CADM2: variants seen among roughly 807,000 people sequenced by gnomAD.
CADM2 encodes the protein cell adhesion molecule 2.
In CADM2, 12 loss-of-function variants were observed where a neutral mutation model predicts 49.8. That is an observed-to-expected ratio of 0.24 (90% CI 0.15 to 0.39). The LOEUF is 0.39. Among genes scored for constraint, CADM2 ranks in the 10% least tolerant of loss-of-function variants. The pLI, the probability that CADM2 is intolerant of heterozygous loss-of-function variation, is 1.00. For missense variants in CADM2, 378 were observed against 492.3 expected (o/e 0.77, Z 2.20); for synonymous variants, 214 against 175.4 (o/e 1.22, Z -1.74).
intron 1 of CADM2, among the ~76,000 whole-genome samples, chr3:85,120,798 A>C (rs2038836646): frequency 6.6e-6 from 1 of 152,020 alleles, no homozygotes; most frequent in Non-Finnish European, 1.5e-5. Context: ...GCACGTTCTT[A>C]CCCCAGAACT....
chr3:84,977,771 T>C (rs2031919190), intron 1 of CADM2, among the ~76,000 whole-genome samples: 1 of 152,096 alleles, frequency 6.6e-6, no homozygotes, highest in Admixed American at 6.6e-5. Flanking sequence ...GGTTTCATCG[T>C]TGATTTGTTT....
intron 2 of CADM2, among the ~76,000 whole-genome samples, chr3:85,756,282 C>T (rs1379455567): frequency 1.3e-5 from 2 of 152,020 alleles, no homozygotes; most frequent in South Asian, 2.1e-4. Flanking sequence ...ATCATCATGT[C>T]TTTTTCTCAC....
chr3:85,849,648 T>C (rs2075017311), intron 3 of CADM2, among the ~76,000 whole-genome samples: 1 of 152,322 alleles, frequency 6.6e-6, no homozygotes, highest in Non-Finnish European at 1.5e-5. Flanking sequence ...ATTTTGAGTA[T>C]TAATCATCAT....
chr3:85,119,273 T>C (rs2038759741), intron 1 of CADM2, among the ~76,000 whole-genome samples: 1 of 152,100 alleles, frequency 6.6e-6, no homozygotes, highest in Non-Finnish European at 1.5e-5. Context: ...CATTGTGACA[T>C]ACATGCGGAC....
chr3:85,445,100 A>G (rs1010425047), intron 1 of CADM2, among the ~76,000 whole-genome samples: 3 of 152,168 alleles, frequency 2.0e-5, no homozygotes, highest in African/African-American at 7.2e-5. Flanking sequence ...ACCCTGTAAA[A>G]GAGTAGTTTT....
At chr3:85,178,779 A>C (rs1378222028) in intron 1 of CADM2, among the ~76,000 whole-genome samples, 1 of 151,774 alleles carries the variant, frequency 6.6e-6, no homozygotes, top group African/African-American at 2.4e-5. Flanking sequence ...AAATGTAAAA[A>C]TACGTGAGTC....
intron 1 of CADM2, among the ~76,000 whole-genome samples, chr3:85,056,417 T>A (rs1357606105): frequency 1.3e-5 from 2 of 152,128 alleles, no homozygotes; most frequent in African/African-American, 4.8e-5. Flanking sequence ...TATCTAATGT[T>A]TTCAATTATA....
At chr3:85,613,537 G>A (rs1576934092) in intron 1 of CADM2, among the ~76,000 whole-genome samples, 2 of 151,540 alleles carry the variant, frequency 1.3e-5, no homozygotes. Context: ...TTTGAGTGAT[G>A]GGCAAACTTC....
intron 1 of CADM2, among the ~76,000 whole-genome samples, chr3:85,116,842 A>T (rs2038656995): frequency 1.3e-5 from 2 of 152,134 alleles, no homozygotes; most frequent in African/African-American, 4.8e-5. Flanking sequence ...TTCTTACCTT[A>T]GGACATTTTT....
At chr3:85,801,952 T>A (rs2072069951) in intron 2 of CADM2, 95 bp from the exon 3 acceptor site, 1 of 1,017,974 alleles carries the variant, frequency 9.8e-7, no homozygotes, top group Non-Finnish European at 1.4e-6. Flanking sequence ...TTTTAAATTT[T>A]ATTTTGCATG....
At chr3:85,719,459 T>C (rs910323749) in intron 1 of CADM2, among the ~76,000 whole-genome samples, 2 of 152,202 alleles carry the variant, frequency 1.3e-5, no homozygotes, top group African/African-American at 4.8e-5. Context: ...GGAAGCCTTA[T>C]TGATAACATA....
intron 7 of CADM2, among the ~76,000 whole-genome samples, chr3:85,941,505 A>G (rs1721901262): frequency 6.6e-6 from 1 of 152,126 alleles, no homozygotes; most frequent in Non-Finnish European, 1.5e-5. Flanking sequence ...GTTATAAATT[A>G]GAGAGAAGAG....
intron 1 of CADM2, among the ~76,000 whole-genome samples, chr3:85,507,615 C>A (rs757310238): frequency 6.6e-6 from 1 of 152,214 alleles, no homozygotes; most frequent in Non-Finnish European, 1.5e-5. Flanking sequence ...GCAATCATTT[C>A]TTCAAGGAAT....
chr3:85,500,079 C>T (rs1255360322), intron 1 of CADM2, among the ~76,000 whole-genome samples: 1 of 151,958 alleles, frequency 6.6e-6, no homozygotes, highest in Non-Finnish European at 1.5e-5. Flanking sequence ...GAATAGAGTC[C>T]CAAAATAATA....
At chr3:85,750,604 A>G (rs995564135) in intron 2 of CADM2, among the ~76,000 whole-genome samples, 4 of 152,110 alleles carry the variant, frequency 2.6e-5, no homozygotes, top group Non-Finnish European at 5.9e-5. Context: ...AAAATATTTT[A>G]TTATTTCCCT....
At chr3:85,567,536 T>A (rs1258750586) in intron 1 of CADM2, among the ~76,000 whole-genome samples, 1 of 152,200 alleles carries the variant, frequency 6.6e-6, no homozygotes, top group African/African-American at 2.4e-5. Flanking sequence ...CATTCTTGTT[T>A]AATTTCTCTT....
intron 1 of CADM2, among the ~76,000 whole-genome samples, chr3:85,271,456 G>T (rs1039194687): frequency 1.3e-5 from 2 of 150,994 alleles, no homozygotes; most frequent in African/African-American, 4.9e-5. Context: ...AGTATAATTG[G>T]GTCATAAGTT....
chr3:85,159,530 G>A (rs978078753), intron 1 of CADM2, among the ~76,000 whole-genome samples: 1 of 152,138 alleles, frequency 6.6e-6, no homozygotes, highest in South Asian at 2.1e-4. Flanking sequence ...TTTCACATGA[G>A]ACAATACTTT....
chr3:85,543,820 G>C (rs1216460703), intron 1 of CADM2, among the ~76,000 whole-genome samples: 1 of 152,096 alleles, frequency 6.6e-6, no homozygotes, highest in Non-Finnish European at 1.5e-5. Context: ...ACTTATGAGA[G>C]CAAAATCATC....
Sources: allele counts gnomAD v4.1 joint callset (sites outside exome capture counted in the v4.1 genomes callset), GRCh38; gene constraint gnomAD v4.1.1; transcripts MANE v1.5; gene names NCBI Gene and HGNC (gene_info 2026-07-23, HGNC 2026-07-21).